ARSG: variants seen among roughly 807,000 people sequenced by gnomAD.
The protein encoded by ARSG is arylsulfatase G.
ARSG carries 37 observed loss-of-function variants against 50.5 expected under a neutral mutation model. That is an observed-to-expected ratio of 0.73 (90% CI 0.56 to 0.96). ARSG has a LOEUF of 0.96. Ranked by LOEUF, ARSG falls within the 50% of genes least tolerant of loss-of-function variation. The pLI, the probability that ARSG is intolerant of heterozygous loss-of-function variation, is 0.00. For synonymous variants in ARSG, 225 were observed against 254.6 expected, an observed-to-expected ratio of 0.88 and a Z score of 1.11; for missense variants, 629 against 675.3, an observed-to-expected ratio of 0.93 and a Z score of 0.76.
Position 68,415,149 on chromosome 17 carries a change from G to GTA in ARSG, c.1304-5039_1304-5038dup, listed in dbSNP as rs539418730. On this transcript the variant is annotated intron_variant, in intron 11 of 11. Transcript: ENST00000621439. ...TTTGTGCTCTTTCAGTCTTTTTGATGTAGGCATTTAAGGCTATGAACTTTC... is the reference window on the plus strand; with the variant it reads ...TTTGTGCTCTTTCAGTCTTTTTGATGTATAGGCATTTAAGGCTATGAACTTTC... Among the ~76,000 whole-genome samples, 849 of 152,180 alleles carry GTA rather than the reference G, an allele frequency of 5.6e-3. 9 individuals carry two copies. The highest frequency in any genetic ancestry group is 0.02 in the African/African-American group (814 of 41,534).
intron 1 of ARSG, among the ~76,000 whole-genome samples, chr17:68,263,603 G>T (rs1555745698): frequency 6.6e-6 from 1 of 152,076 alleles, no homozygotes; most frequent in East Asian, 1.9e-4. Context: ...CTGAGTAGCT[G>T]GGACCACAGG....
chr17:68,369,539 C>CAA (rs571525030), intron 7 of ARSG, among the ~76,000 whole-genome samples: 113 of 132,756 alleles, frequency 8.5e-4, no homozygotes, highest in African/African-American at 2.9e-3. Flanking sequence ...GACTCTGTCT[C>CAA]AAAAAAAAAA....
intron 1 of ARSG, chr17:68,273,770 T>C (rs1037367193): frequency 6.0e-6 from 5 of 832,794 alleles, no homozygotes; most frequent in Non-Finnish European, 9.1e-6. Flanking sequence ...CTGAAGTCCA[T>C]ATAGCTCAGT....
At chr17:68,451,883 C>CT in the ARSG span, among the ~76,000 whole-genome samples, 3 of 152,234 alleles carry the variant, frequency 2.0e-5, no homozygotes, top group Non-Finnish European at 4.4e-5. Flanking sequence ...TGAGCACATT[C>CT]TTTTCATATG....
chr17:68,291,684 C>G (rs565089344), intron 1 of ARSG, 116 bp downstream of exon 1: 1 of 151,860 alleles, frequency 6.6e-6, no homozygotes, highest in East Asian at 2.0e-4. Context: ...CCGCCCAGAC[C>G]CCGGAGCTTT....
intron 1 of ARSG, chr17:68,278,140 TA>T (rs1568411939): frequency 1.9e-6 from 3 of 1,614,198 alleles, no homozygotes; most frequent in Non-Finnish European, 1.7e-6. Flanking sequence ...GAGATCCTGC[TA>T]TTGGATTCAT....
chr17:68,347,320 G>A lies in ARSG; in HGVS notation c.454+148G>A, dbSNP rs151148451. 1.1e-4 allele frequency: 96 copies of A among 893,320 alleles called. No homozygotes were observed. The African/African-American group carries it at 1.3e-3, about 12-fold the overall frequency. 55.3% of individuals were successfully genotyped at this position (893,320 alleles called of 1,614,324 possible). ...CACGAGGTCATTTGAGTGCATTTGG[G>A]GTGCCAGGGCTCTCCGGGACCTTAC... On this transcript the variant is annotated intron_variant, in intron 4 of 11. Transcript: ENST00000621439.
chr17:68,296,176 G>C (rs141786621), intron 1 of ARSG, among the ~76,000 whole-genome samples: 1 of 152,112 alleles, frequency 6.6e-6, no homozygotes, highest in Non-Finnish European at 1.5e-5. Context: ...GTTGTGGGTC[G>C]TGGGATCTCA....
chr17:68,395,027 G>A, intron 9 of ARSG, 46 bp from the exon 10 acceptor site: 2 of 1,609,146 alleles, frequency 1.2e-6, no homozygotes, highest in Non-Finnish European at 1.7e-6. Context: ...GGGTCAGGGA[G>A]CGAGTCAGAA....
downstream of ARSG, chr17:68,421,679 G>C: frequency 6.4e-7 from 1 of 1,565,266 alleles, no homozygotes; most frequent in East Asian, 2.2e-5. Context: ...CCCCCTTTCT[G>C]CTCACACAAT....
chr17:68,402,382 C>T (rs1304839078), intron 11 of ARSG, among the ~76,000 whole-genome samples: 1 of 151,864 alleles, frequency 6.6e-6, no homozygotes, highest in Non-Finnish European at 1.5e-5. Context: ...GTAGCTGGGA[C>T]TACAGGTGTG....
At chr17:68,311,674 C>T (rs59016072) in intron 2 of ARSG, among the ~76,000 whole-genome samples, 3,806 of 152,048 alleles carry the variant, frequency 0.025, 137 homozygotes, top group African/African-American at 0.077. Flanking sequence ...AAGCCAGGAA[C>T]ACCAAGGACC....
At chr17:68,426,250 G>GGGGGGGC, downstream of ARSG, 1 of 828,060 alleles carries the variant, frequency 1.2e-6, no homozygotes, top group Non-Finnish European at 1.9e-6. Flanking sequence ...GGTGGGGAGC[G>GGGGGGGC]GGGGCTCAAA....
chr17:68,343,723 G>A lies in ARSG; in HGVS notation c.338G>A (p.Gly113Asp), dbSNP rs1244718647. Residue 113 changes from glycine to aspartate, a missense_variant, in exon 3 of 12, where the codon GGC becomes GAC. Gly to Asp is a moderately conservative substitution (Grantham distance 94). Transcript: ENST00000621439. Reference sequence around the variant, plus strand: ...AACTTTGCAGTCACTTCTGTGGGAGGCCTTCCGCTCAACGAGACCACCTTG... The same window carrying A: ...AACTTTGCAGTCACTTCTGTGGGAGACCTTCCGCTCAACGAGACCACCTTG... ...TRNFAVTSVG[G>D]LPLNETTLAE... The A allele has an allele frequency of 3.1e-6, 5 of 1,614,032 alleles. No individual in the cohort carries two copies. Among genetic ancestry groups the A allele is most frequent in the Admixed American group, 1.7e-5 (1 of 60,006 alleles).
chr17:68,384,160 C>T (rs1293039452), intron 8 of ARSG, among the ~76,000 whole-genome samples: 1 of 152,174 alleles, frequency 6.6e-6, no homozygotes, highest in African/African-American at 2.4e-5. Flanking sequence ...CCACACACAG[C>T]ACTTGCCTTG....
chr17:68,314,534 A>G (rs1315501822), intron 2 of ARSG, among the ~76,000 whole-genome samples: 1 of 151,466 alleles, frequency 6.6e-6, no homozygotes, highest in Non-Finnish European at 1.5e-5. Flanking sequence ...TCAAAAAAAA[A>G]AAAAAAAAAA....
intron 1 of ARSG, among the ~76,000 whole-genome samples, chr17:68,300,914 C>T (rs191980415): frequency 1.7e-4 from 25 of 150,944 alleles, no homozygotes; most frequent in East Asian, 7.8e-4. Context: ...GTCAGGAGAT[C>T]GAGACCATCC....
At position 68,370,480 on chromosome 17, in the gene ARSG, C is replaced by A; in HGVS notation, c.938C>A (p.Ala313Glu). 6.2e-7 allele frequency: 1 copy of A among 1,613,976 alleles called. No homozygotes were observed. ...CCGTGGGCTCAGAAGTGTGAGCTAGCGGGCAGTGTGGGTCCCTTCACTGGA... is the reference window on the plus strand; with the variant it reads ...CCGTGGGCTCAGAAGTGTGAGCTAGAGGGCAGTGTGGGTCCCTTCACTGGA... ...NGPWAQKCEL[A>E]GSVGPFTGFW... The change falls in exon 8 of 12, where the codon GCG (alanine) becomes GAG (glutamate). Residue 313 changes from alanine to glutamate, a missense_variant. Coordinates refer to ENST00000621439, the MANE Select transcript of ARSG (RefSeq NM_001267727.2).
intron 2 of ARSG, among the ~76,000 whole-genome samples, chr17:68,312,156 A>G (rs1482954890): frequency 6.6e-6 from 1 of 152,080 alleles, no homozygotes; most frequent in Non-Finnish European, 1.5e-5. Flanking sequence ...AGCCACAGAA[A>G]ACTTACACAC....
Sources: gnomAD v4.1 joint callset for allele counts (sites outside exome capture counted in the v4.1 genomes callset) on GRCh38, gnomAD v4.1.1 for gene constraint, MANE v1.5 for transcripts, NCBI Gene and HGNC (gene_info 2026-07-23, HGNC 2026-07-21) for gene names.